Variants in DNM2 observed in about 807,000 individuals in gnomAD.
DNM2 encodes dynamin-2.
A neutral mutation model predicts 99.0 loss-of-function variants in DNM2; 15 were observed. The ratio of observed to expected loss-of-function variants is 0.15; its 90% CI spans 0.10 to 0.23. The LOEUF (loss-of-function observed/expected upper bound fraction) is 0.23. DNM2 is among the 10% of genes least tolerant of loss of function. The pLI, the probability that DNM2 is intolerant of heterozygous loss-of-function variation, is 1.00. For missense variants in DNM2, 742 were observed against 1,189.4 expected (o/e 0.62, Z 5.53); for synonymous variants, 525 against 481.2 (o/e 1.09, Z -1.19).
At chr19:10,826,687 A>C (rs2073153260) in intron 18 of DNM2, among the ~76,000 whole-genome samples, 2 of 151,754 alleles carry the variant, frequency 1.3e-5, no homozygotes, top group African/African-American at 4.8e-5. Flanking sequence ...GGAGCTGAAG[A>C]CCAGCCTGGG....
At chr19:10,823,264 G>A (rs1190685717) in intron 16 of DNM2, 1 of 151,862 alleles carries the variant, frequency 6.6e-6, no homozygotes, top group South Asian at 2.1e-4. Context: ...AATTAGCCAG[G>A]TGTGGTGGCG....
rs561609591 is a variant in DNM2, at chr19:10,761,075, G to A, written c.235+1264G>A. On this transcript the variant is annotated intron_variant, in intron 2 of 20. Transcript: ENST00000389253. ...GTGATCTCGGCTCACTGCAACATCC[G>A]CCTCCTGGGTTCAAGCGATTCTCCT... Among the ~76,000 whole-genome samples, 75 of 151,780 alleles carry A rather than the reference G, an allele frequency of 4.9e-4. No individual in the cohort carries two copies. The Middle Eastern group carries it at 0.01, about 21-fold the overall frequency.
intron 5 of DNM2, among the ~76,000 whole-genome samples, chr19:10,781,098 G>C (rs1172713679): frequency 1.3e-5 from 2 of 151,882 alleles, no homozygotes; most frequent in African/African-American, 2.4e-5. Flanking sequence ...GCTGAGTCCG[G>C]AGGATGGCTT....
Position 10,828,953 on chromosome 19 carries a change from TGA to T in DNM2, c.2059-78_2059-77del, listed in dbSNP as rs752822036. On this transcript the variant is annotated intron_variant, in intron 18 of 20. Coordinates refer to ENST00000389253, the MANE Select transcript of DNM2 (RefSeq NM_001005361.3). ...AAAGTCTGGGGGTGGCCCCGCCCTG[TGA>T]GAGATGTTTTTCCAGCAGTCACTGT... 9.1e-6 allele frequency: 13 copies of T among 1,423,756 alleles called. No individual in the cohort carries two copies. In the South Asian group the frequency reaches 1.6e-4, roughly 17 times the overall value. The allele number at this position is 1,423,756 out of a possible 1,614,324, so 88.2% of individuals were successfully genotyped here. A position where few individuals can be genotyped will look rare whatever the true frequency, so the allele number is the denominator to read the frequency against.
chr19:10,737,502 T>C (rs550882242), intron 1 of DNM2, among the ~76,000 whole-genome samples: 1 of 152,252 alleles, frequency 6.6e-6, no homozygotes, highest in East Asian at 1.9e-4. Flanking sequence ...TGTTTTCTTT[T>C]TTTGGGGTGG....
At position 10,795,246 on chromosome 19, in the gene DNM2, T is replaced by C; in HGVS notation, c.1129-126T>C. Reference sequence around the variant, plus strand: ...AGTTTTCAATTTTTTAAATAAAATTTTGACGAGTTAAATATTCTGCCTTGT... The same window carrying C: ...AGTTTTCAATTTTTTAAATAAAATTCTGACGAGTTAAATATTCTGCCTTGT... On this transcript the variant is annotated intron_variant, in intron 8 of 20. Coordinates refer to ENST00000389253, the MANE Select transcript of DNM2 (RefSeq NM_001005361.3). This position sits in a 1 kb window ranked among gnomAD's most constrained non-coding sequence, Gnocchi z 4.2. 2.2e-6 allele frequency: 2 copies of C among 893,708 alleles called. No homozygotes were observed. The highest frequency in any genetic ancestry group is 2.7e-5 in the South Asian group (2 of 74,134). The allele number at this position is 893,708 out of a possible 1,614,324, so 55.4% of individuals were successfully genotyped here. A position where few individuals can be genotyped will look rare whatever the true frequency, so the allele number is the denominator to read the frequency against.
At chr19:10,736,718 TA>T (rs1233190676) in intron 1 of DNM2, among the ~76,000 whole-genome samples, 3 of 152,092 alleles carry the variant, frequency 2.0e-5, no homozygotes, top group Admixed American at 1.3e-4. Flanking sequence ...CTGGTTTTTA[TA>T]ACTGTGTATT....
At position 10,764,631 on chromosome 19, in the gene DNM2, A is replaced by T. The variant is rs943016222; in HGVS notation, c.235+4820A>T. On this transcript the variant is annotated intron_variant, in intron 2 of 20. Coordinates refer to ENST00000389253, the MANE Select transcript of DNM2 (RefSeq NM_001005361.3). The surrounding 1 kb of genome is among the most constrained non-coding windows in gnomAD (Gnocchi z 4.1). The stretch of plus-strand genomic sequence containing the variant: ...GGCCTTTGGTGTGCTCACCGGAACC[A>T]AGGAAGAGATGTCAGGACCTGGCTC... Among the ~76,000 whole-genome samples the T allele has an allele frequency of 6.6e-6, 1 of 152,106 alleles. No individual in the cohort carries two copies. The highest frequency in any genetic ancestry group is 1.5e-5 in the Non-Finnish European group (1 of 68,024).
chr19:10,774,741 T>G (rs2071093836), intron 3 of DNM2, among the ~76,000 whole-genome samples: 1 of 151,220 alleles, frequency 6.6e-6, no homozygotes, highest in Non-Finnish European at 1.5e-5. Context: ...TTTTTTTTTT[T>G]TTGTATGCCT....
In DNM2 at chr19:10,820,124, T is replaced by A; in HGVS notation, c.1781+35T>A. The A allele has an allele frequency of 3.1e-6, 5 of 1,595,786 alleles. No individual in the cohort carries two copies. The highest frequency in any genetic ancestry group is 2.6e-6 in the Non-Finnish European group (3 of 1,164,016). On this transcript the variant is annotated intron_variant, in intron 16 of 20. Transcript: ENST00000389253. The surrounding 1 kb of genome is among the most constrained non-coding windows in gnomAD (Gnocchi z 4.3). ...CCAGGGGCCTGGGGATGGCTCGGGG[T>A]GAAGACCAATGGCCTCATTCACACT...
chr19:10,828,949 C>T, intron 18 of DNM2, 87 bp from the exon 19 acceptor site: 1 of 1,401,372 alleles, frequency 7.1e-7, no homozygotes, highest in East Asian at 2.5e-5. Flanking sequence ...GTGGCCCCGC[C>T]CTGTGAGAGA....
At chr19:10,798,090 T>C (rs2072001682) in intron 10 of DNM2, among the ~76,000 whole-genome samples, 1 of 152,170 alleles carries the variant, frequency 6.6e-6, no homozygotes, top group African/African-American at 2.4e-5. Flanking sequence ...GATACCCGCC[T>C]TACCATTCTA....
rs2068745420 is a variant in DNM2, at chr19:10,765,833, T to G, written c.235+6022T>G. Among the ~76,000 whole-genome samples, 1 of 152,170 alleles carries G rather than the reference T, an allele frequency of 6.6e-6. No individual in the cohort carries two copies. Among genetic ancestry groups the G allele is most frequent in the South Asian group, 2.1e-4 (1 of 4,834 alleles). ...TTTGGGAAAGGCAGATCTCCTCTCC[T>G]TGCCTTCAGGGCCAGCCTCGTCATT... On this transcript the variant is annotated intron_variant, in intron 2 of 20. Transcript: ENST00000389253. The surrounding 1 kb of genome is among the most constrained non-coding windows in gnomAD (Gnocchi z 4.4).
rs1163367070 is a variant in DNM2, at chr19:10,817,573, T to G, written c.1672-2407T>G. On this transcript the variant is annotated intron_variant, in intron 15 of 20. Transcript: ENST00000389253. The surrounding 1 kb of genome is among the most constrained non-coding windows in gnomAD (Gnocchi z 4.6). ...AGGCCAGGCCGTGCCTCAGCACCTC[T>G]GAGCAGCCAAGGAAACCACCACTCT... 1 of 383,576 alleles carries G rather than the reference T, an allele frequency of 2.6e-6. No homozygotes were observed. The highest frequency in any genetic ancestry group is 3.7e-5 in the Admixed American group (1 of 26,886). The allele number at this position is 383,576 out of a possible 1,614,324, so 23.8% of individuals were successfully genotyped here.
chr19:10,823,819 C>G lies in DNM2; in HGVS notation c.1813C>G (p.Leu605Val). The G allele has an allele frequency of 6.2e-7, 1 of 1,613,804 alleles. No individual in the cohort carries two copies. Among genetic ancestry groups the G allele is most frequent in the Non-Finnish European group, 8.5e-7 (1 of 1,179,986 alleles). The change falls in exon 17 of 21, where the codon CTG becomes GTG. Residue 605 changes from leucine (L) to valine (V), a missense_variant. Leu to Val is a conservative substitution (Grantham distance 32). This residue lies in a region of DNM2 where 240 missense variants were observed against 431.3 expected (regional missense o/e 0.56). Coordinates refer to ENST00000389253, the MANE Select transcript of DNM2 (RefSeq NM_001005361.3). ...CTACAAGGACCTGCGGCAGATCGAG[C>G]TGGCCTGTGACTCCCAGGAAGACGT... ...NVYKDLRQIE[L>V]ACDSQEDVDS... is the part of the protein sequence containing the mutation.
intron 1 of DNM2, among the ~76,000 whole-genome samples, chr19:10,726,828 A>T (rs2069132388): frequency 6.6e-6 from 1 of 152,146 alleles, no homozygotes; most frequent in African/African-American, 2.4e-5. Context: ...GCGCCGCTGC[A>T]CTCCAGCCTG....
intron 17 of DNM2, 68 bp from the exon 18 acceptor site, chr19:10,824,989 G>T: frequency 1.2e-6 from 2 of 1,609,642 alleles, no homozygotes; most frequent in Non-Finnish European, 1.7e-6. Context: ...TAGGGCAGAT[G>T]GTTTCCAGAG....
intron 6 of DNM2, among the ~76,000 whole-genome samples, chr19:10,785,457 GTCTTAC>G (rs2071528277): frequency 6.6e-6 from 1 of 152,022 alleles, no homozygotes. Context: ...TTCAGACAAG[GTCTTAC>G]TCTGTTGTCC....
chr19:10,797,386 G>T lies in DNM2; in HGVS notation c.1203G>T (p.Gly401=), dbSNP rs760900686. 36 of 1,612,542 alleles carry T rather than the reference G, an allele frequency of 2.2e-5. No homozygotes were observed. Among genetic ancestry groups the T allele is most frequent in the Non-Finnish European group, 3.1e-5 (36 of 1,179,998 alleles). Reference sequence around the variant, plus strand: ...TGCCCTCCGCATGACCCAGGACGGGGCTCTTCACCCCCGACATGGCCTTTG... The same window carrying T: ...TGCCCTCCGCATGACCCAGGACGGGTCTCTTCACCCCCGACATGGCCTTTG... ...AIKNIHGVRT[G]LFTPDMAFEA... is the part of the protein sequence containing the mutation. The change falls in exon 10 of 21, where the codon GGG becomes GGT. Residue 401 remains glycine, a synonymous_variant. Transcript: ENST00000389253.
Sources: allele counts gnomAD v4.1 joint callset (sites outside exome capture counted in the v4.1 genomes callset), GRCh38; gene constraint gnomAD v4.1.1; regional missense constraint gnomAD v4.1.1; non-coding constraint Gnocchi (gnomAD v3.1); transcripts MANE v1.5; gene names NCBI Gene and HGNC (gene_info 2026-07-23, HGNC 2026-07-21).